The following SPIDR variants were observed in gnomAD, a reference collection of about 807,000 sequenced individuals.
The protein encoded by SPIDR is scaffold protein involved in DNA repair, also known as DNA repair-scaffolding protein.
A neutral mutation model predicts 104.6 loss-of-function variants in SPIDR; 93 were observed. The ratio of observed to expected loss-of-function variants is 0.89; its 90% CI spans 0.75 to 1.06. The LOEUF (loss-of-function observed/expected upper bound fraction) is 1.06. SPIDR is among the 50% of genes least tolerant of loss of function. The probability of loss-of-function intolerance (pLI) is 0.00; values close to 1 mark genes in which losing one functional copy is unlikely to be tolerated. For synonymous variants in SPIDR, 431 were observed against 416.9 expected (o/e 1.03, Z -0.41); for missense variants, 1,154 against 1,111.2 (o/e 1.04, Z -0.55).
At chr8:47,654,263 G>GCCA in intron 10 of SPIDR, 1 of 981,564 alleles carries the variant, frequency 1.0e-6, no homozygotes, top group Non-Finnish European at 1.4e-6. Flanking sequence ...GGAAGCACCT[G>GCCA]CCTAATCCAT....
intron 8 of SPIDR, among the ~76,000 whole-genome samples, chr8:47,498,004 A>C (rs1038889476): frequency 2.0e-5 from 3 of 152,222 alleles, no homozygotes; most frequent in Non-Finnish European, 2.9e-5. Context: ...AGAGTTATTT[A>C]GAGGTACCCA....
intron 8 of SPIDR, among the ~76,000 whole-genome samples, chr8:47,504,916 G>A (rs549584547): frequency 6.6e-6 from 1 of 152,312 alleles, no homozygotes; most frequent in East Asian, 1.9e-4. Flanking sequence ...CTGTTTGCCT[G>A]GATATCAGCA....
intron 8 of SPIDR, among the ~76,000 whole-genome samples, chr8:47,570,874 C>T (rs2058433293): frequency 6.6e-6 from 1 of 152,076 alleles, no homozygotes; most frequent in African/African-American, 2.4e-5. Flanking sequence ...GGGCGGATCA[C>T]AAGGTCAGGA....
chr8:47,463,324 A>G (rs199504875), intron 8 of SPIDR, among the ~76,000 whole-genome samples: 17 of 151,622 alleles, frequency 1.1e-4, no homozygotes, highest in African/African-American at 3.9e-4. Flanking sequence ...TCACACCACT[A>G]CACTCCAGCC....
chr8:47,412,028 A>G lies in SPIDR; in HGVS notation c.877+4067A>G, dbSNP rs538721518. ...CATTGGTCTATATCTCTGTTTTGGT[A>G]CCAGTACCATGGTGTTTTTGTTACT... On this transcript the variant is annotated intron_variant, in intron 7 of 19. Transcript: ENST00000297423. 5.3e-5 allele frequency among the ~76,000 whole-genome samples: 8 copies of G among 152,304 alleles called. No individual in the cohort carries two copies. The South Asian group carries it at 8.3e-4, about 16-fold the overall frequency.
Position 47,685,125 on chromosome 8 carries a change from T to G in SPIDR, c.1685+11184T>G, listed in dbSNP as rs571213577. Among the ~76,000 whole-genome samples, 23 of 152,194 alleles carry G rather than the reference T, an allele frequency of 1.5e-4. No homozygotes were observed. In the South Asian group the frequency reaches 4.8e-3, roughly 32 times the overall value. On this transcript the variant is annotated intron_variant, in intron 11 of 19. Transcript: ENST00000297423. ...TATTTGGGAGGCTGAGGCCGGAGAA[T>G]CGCTTGAACCCTGGAGGCAGAGGTT...
chr8:47,728,035 C>T (rs905735293), intron 17 of SPIDR, among the ~76,000 whole-genome samples: 2 of 151,432 alleles, frequency 1.3e-5, no homozygotes, highest in Non-Finnish European at 2.9e-5. Context: ...GAGAATCTCT[C>T]GAAACGGGGA....
chr8:47,272,187 G>A (rs2154215228), intron 1 of SPIDR, among the ~76,000 whole-genome samples: 1 of 152,240 alleles, frequency 6.6e-6, no homozygotes, highest in East Asian at 1.9e-4. Flanking sequence ...GGCTGGTCTT[G>A]AACTCGTGGC....
intron 5 of SPIDR, among the ~76,000 whole-genome samples, chr8:47,318,071 G>C (rs111672021): frequency 6.6e-6 from 1 of 152,052 alleles, no homozygotes; most frequent in Non-Finnish European, 1.5e-5. Flanking sequence ...CTCCTCACCA[G>C]CAACGGAACA....
intron 8 of SPIDR, among the ~76,000 whole-genome samples, chr8:47,446,004 AAACT>A (rs1335884773): frequency 5.9e-5 from 9 of 152,374 alleles, no homozygotes; most frequent in African/African-American, 1.9e-4. Context: ...GCTGACAGAG[AAACT>A]GCAGCAAATT....
At chr8:47,617,525 G>A (rs1014586429) in intron 10 of SPIDR, among the ~76,000 whole-genome samples, 1 of 152,156 alleles carries the variant, frequency 6.6e-6, no homozygotes, top group African/African-American at 2.4e-5. Flanking sequence ...ATGGACATTA[G>A]GGCCATCAAA....
intron 1 of SPIDR, among the ~76,000 whole-genome samples, chr8:47,278,674 C>G (rs1161849954): frequency 1.3e-5 from 2 of 152,052 alleles, no homozygotes; most frequent in Non-Finnish European, 2.9e-5. Flanking sequence ...GTGGCAGGCT[C>G]TCGGCTCATT....
intron 8 of SPIDR, among the ~76,000 whole-genome samples, chr8:47,558,157 G>A (rs933500809): frequency 2.6e-4 from 40 of 152,292 alleles, no homozygotes; most frequent in African/African-American, 9.4e-4. Flanking sequence ...CAAAAGAGGG[G>A]AGGGAGGGAG....
At chr8:47,692,156 G>A (rs953619049) in intron 11 of SPIDR, among the ~76,000 whole-genome samples, 2 of 152,176 alleles carry the variant, frequency 1.3e-5, no homozygotes, top group African/African-American at 4.8e-5. Context: ...CACTTTTTAA[G>A]TAATAGCTTG....
intron 10 of SPIDR, among the ~76,000 whole-genome samples, chr8:47,661,988 C>T (rs2074191038): frequency 6.6e-6 from 1 of 152,190 alleles, no homozygotes; most frequent in Admixed American, 6.5e-5. Context: ...ACTTGAGCAG[C>T]CTCTGGGTTC....
intron 8 of SPIDR, among the ~76,000 whole-genome samples, chr8:47,579,161 G>A (rs747835643): frequency 6.6e-6 from 1 of 152,166 alleles, no homozygotes; most frequent in Admixed American, 6.5e-5. Context: ...TTAGTAGCAA[G>A]CACTATTGAC....
intron 5 of SPIDR, among the ~76,000 whole-genome samples, chr8:47,324,004 A>G (rs1343777551): frequency 6.6e-6 from 1 of 152,136 alleles, no homozygotes; most frequent in Non-Finnish European, 1.5e-5. Flanking sequence ...TAATACTATA[A>G]CCTTTACAGT....
At position 47,659,091 on chromosome 8, in the gene SPIDR, C is replaced by A. The variant is rs547048613; in HGVS notation, c.1545-14710C>A. ...TGGGCAACATGGCCTAGCCCCGTCTCTACCAAAAATACAAAAATTAGCTGG... is the reference window on the plus strand; with the variant it reads ...TGGGCAACATGGCCTAGCCCCGTCTATACCAAAAATACAAAAATTAGCTGG... On this transcript the variant is annotated intron_variant, in intron 10 of 19. Coordinates refer to ENST00000297423, the MANE Select transcript of SPIDR (RefSeq NM_001080394.4). Among the ~76,000 whole-genome samples, 405 of 152,198 alleles carry A rather than the reference C, an allele frequency of 2.7e-3. 3 individuals are homozygous for A. Among genetic ancestry groups the A allele is most frequent in the Non-Finnish European group, 3.3e-3 (227 of 68,026 alleles).
At chr8:47,261,648 G>A (rs1031566476) in intron 1 of SPIDR, among the ~76,000 whole-genome samples, 2 of 152,154 alleles carry the variant, frequency 1.3e-5, no homozygotes, top group South Asian at 2.1e-4. Context: ...ATAGTAAAAC[G>A]GTTTTTAAAA....
Sources: gnomAD v4.1 joint callset for allele counts (sites outside exome capture counted in the v4.1 genomes callset) on GRCh38, gnomAD v4.1.1 for gene constraint, MANE v1.5 for transcripts, NCBI Gene and HGNC (gene_info 2026-07-23, HGNC 2026-07-21) for gene names.